GABRQ: variants seen among roughly 807,000 people sequenced by gnomAD.
GABRQ encodes the protein gamma-aminobutyric acid receptor subunit theta.
GABRQ carries 19 observed loss-of-function variants against 30.5 expected under a neutral mutation model. That is an observed-to-expected ratio of 0.62 (90% CI 0.43 to 0.91). The LOEUF (loss-of-function observed/expected upper bound fraction) is 0.91. Ranked by LOEUF, GABRQ falls within the 40% of genes least tolerant of loss-of-function variation. GABRQ has a pLI of 0.00. For missense variants in GABRQ, 520 were observed against 521.4 expected (o/e 1.00, Z 0.03); for synonymous variants, 187 against 210.2 (o/e 0.89, Z 0.95).
downstream of GABRQ, among the ~76,000 whole-genome samples, chrX:152,657,775 C>T (rs1386962667): frequency 8.9e-6 from 1 of 112,485 alleles, no homozygotes; most frequent in Non-Finnish European, 1.9e-5. Flanking sequence ...TCTTAATCTT[C>T]TAAAACAAAA....
rs1556820411 is a variant in GABRQ at position 152,652,526 on chromosome X, A to G, written c.1159-15A>G. On this transcript the variant is annotated splice_polypyrimidine_tract_variant and intron_variant, in intron 8 of 8. Coordinates refer to ENST00000598523, the MANE Select transcript of GABRQ (RefSeq NM_018558.4). ...CGATATGAAACTGATGAGCCTATCC[A>G]TTATCTCCTCAAAGGATGGCCTGAT... 8.4e-7 allele frequency: 1 copy of G among 1,190,998 alleles called. No individual in the cohort carries two copies. Among genetic ancestry groups the G allele is most frequent in the South Asian group, 1.9e-5 (1 of 53,722 alleles).
rs1931028593 is a variant in GABRQ, at chrX:152,651,755, C to T, written c.1131C>T (p.Tyr377=). The T allele has an allele frequency of 1.7e-6, 2 of 1,210,271 alleles. No individual in the cohort carries two copies. Among genetic ancestry groups the T allele is most frequent in the African/African-American group, 3.5e-5 (2 of 57,418 alleles). ...GAAGAGTCATTGCCCGCTACCGCTA[C>T]CAGCAAGTGGTGGTAGGAAACGTGC... is the stretch of plus-strand genomic sequence containing the variant. ...RPRRVIARYR[Y]QQVVVGNVQD... is the part of the protein sequence containing the mutation. The change falls in exon 8 of 9, where the codon TAC becomes TAT. Residue 377 remains tyrosine, a synonymous_variant. Transcript: ENST00000598523.
Position 152,651,800 on chromosome X carries a change from A to G in GABRQ, c.1158+18A>G, listed in dbSNP as rs782106419. The G allele has an allele frequency of 1.4e-5, 17 of 1,203,529 alleles. No individual in the cohort carries two copies. The highest frequency in any genetic ancestry group is 1.9e-5 in the Non-Finnish European group (17 of 889,813). ...ACGTGCAGGTTTGACTTTTTGACTGACAATCAGCTTTCCCTGAGCACCTCT... is the reference window on the plus strand; with the variant it reads ...ACGTGCAGGTTTGACTTTTTGACTGGCAATCAGCTTTCCCTGAGCACCTCT... On this transcript the variant is annotated intron_variant, in intron 8 of 8. Transcript: ENST00000598523.
intron 2 of GABRQ, among the ~76,000 whole-genome samples, chrX:152,641,597 TC>T (rs1556818430): frequency 1.8e-5 from 2 of 111,672 alleles, no homozygotes; most frequent in Non-Finnish European, 3.8e-5. Flanking sequence ...GCTCCCTTGC[TC>T]CCTCCGAAGT....
chrX:152,645,715 G>A, intron 3 of GABRQ, 121 bp downstream of exon 3: 1 of 479,924 alleles, frequency 2.1e-6, no homozygotes, highest in Non-Finnish European at 3.7e-6. Flanking sequence ...AACAAGGTAG[G>A]TTTGGGACAC....
At chrX:152,646,222 A>G (rs918829107) in intron 3 of GABRQ, among the ~76,000 whole-genome samples, 20 of 112,660 alleles carry the variant, frequency 1.8e-4, no homozygotes, top group African/African-American at 6.4e-4. Flanking sequence ...AGTGCAAAAT[A>G]AAACCTGAAT....
intron 1 of GABRQ, among the ~76,000 whole-genome samples, chrX:152,640,027 T>C (rs5924748): frequency 0.18 from 20,416 of 110,397 alleles, 1,502 homozygotes; most frequent in African/African-American, 0.24. Flanking sequence ...GCTGAAGTAA[T>C]GCATTTTTCT....
Position 152,650,489 on chromosome X carries a change from G to T in GABRQ, c.810G>T (p.Val270=), listed in dbSNP as rs782656746. 8.3e-7 allele frequency: 1 copy of T among 1,200,630 alleles called. No homozygotes were observed. Among genetic ancestry groups the T allele is most frequent in the Non-Finnish European group, 1.1e-6 (1 of 885,419 alleles). Residue 270 remains valine, a synonymous_variant, in exon 7 of 9, where the codon GTG becomes GTT. Transcript: ENST00000598523. ...AGAGGGAAGTTAACAGCTACCTTGT[G>T]CAAGTCTACTGGCCTACTGTCCTCA... is the stretch of plus-strand genomic sequence containing the variant. ...QVQREVNSYL[V]QVYWPTVLTT... is the part of the protein sequence containing the mutation.
chrX:152,638,030 C>G lies in GABRQ; in HGVS notation c.-173C>G, dbSNP rs1489634173. Among the ~76,000 whole-genome samples the G allele has an allele frequency of 2.7e-5, 3 of 113,024 alleles. No individual in the cohort carries two copies. Among genetic ancestry groups the G allele is most frequent in the African/African-American group, 9.6e-5 (3 of 31,166 alleles). ...CATCTCCGGTATCCGGGCCGACCCC[C>G]GCACCCCCTACTTCCCTTGCCCTCG... On this transcript the variant is annotated 5_prime_UTR_variant, in exon 1 of 9. Transcript: ENST00000598523.
intron 1 of GABRQ, among the ~76,000 whole-genome samples, chrX:152,640,009 T>C (rs1253640085): frequency 1.8e-5 from 2 of 111,549 alleles, no homozygotes; most frequent in Admixed American, 1.9e-4. Context: ...GATGGGGCTC[T>C]TGAAGGGGCT....
At position 152,650,780 on chromosome X, in the gene GABRQ, G is replaced by GA. The variant is rs1209939597; in HGVS notation, c.901+208dup. On this transcript the variant is annotated intron_variant, in intron 7 of 8. Coordinates refer to ENST00000598523, the MANE Select transcript of GABRQ (RefSeq NM_018558.4). ...AGAGACCGATATTAGAGACAGATGT[G>GA]AAAAAAAATCAAGGTTGGAATCTTG... Among the ~76,000 whole-genome samples, 5 of 110,962 alleles carry GA rather than the reference G, an allele frequency of 4.5e-5. No homozygotes were observed. In the East Asian group the frequency reaches 1.4e-3, roughly 32 times the overall value.
At chrX:152,641,227 G>A (rs1930748416) in intron 2 of GABRQ, among the ~76,000 whole-genome samples, 1 of 111,883 alleles carries the variant, frequency 8.9e-6, no homozygotes, top group South Asian at 3.7e-4. Context: ...AGCTTTAAGT[G>A]ACAGGCAACC....
At chrX:152,649,117 A>G (rs181246869) in intron 4 of GABRQ, 134 bp from the exon 5 acceptor site, 19 of 487,478 alleles carry the variant, frequency 3.9e-5, no homozygotes, top group Middle Eastern at 3.5e-4. Context: ...TCACAAACAA[A>G]TTTCCTCTCT....
At chrX:152,649,390 A>G in intron 5 of GABRQ, 57 bp downstream of exon 5, 4 of 713,686 alleles carry the variant, frequency 5.6e-6, no homozygotes, top group Non-Finnish European at 9.1e-6. Context: ...TGATCAGGGA[A>G]GCAGAGGCTG....
At chrX:152,641,297 T>C (rs1251142418) in intron 2 of GABRQ, among the ~76,000 whole-genome samples, 1 of 112,476 alleles carries the variant, frequency 8.9e-6, no homozygotes, top group Admixed American at 9.3e-5. Context: ...CTAGGAAACC[T>C]AGATCAAGGG....
At position 152,651,632 on chromosome X, in the gene GABRQ, G is replaced by T; in HGVS notation, c.1008G>T (p.Leu336Phe). The change falls in exon 8 of 9, where the codon TTG becomes TTT. Residue 336 changes from leucine (L) to phenylalanine (F), a missense_variant. Transcript: ENST00000598523. ...TTGATATCTATATCCTCGTGTGCTT[G>T]TTCTTTGTGTTCCTGTCCTTGCTGG... ...KAIDIYILVC[L>F]FFVFLSLLEY... is the part of the protein sequence containing the mutation. 8.3e-7 allele frequency: 1 copy of T among 1,210,637 alleles called. No homozygotes were observed. The highest frequency in any genetic ancestry group is 1.1e-6 in the Non-Finnish European group (1 of 894,210).
In GABRQ at chrX:152,652,390, A is replaced by G. The variant is rs782534581; in HGVS notation, c.1159-151A>G. 5 of 514,069 alleles carry G rather than the reference A, an allele frequency of 9.7e-6. No homozygotes were observed. In the South Asian group the frequency reaches 1.3e-4, roughly 14 times the overall value. 42.4% of individuals were successfully genotyped at this position (514,069 alleles called of 1,213,427 possible). On this transcript the variant is annotated intron_variant, in intron 8 of 8. Transcript: ENST00000598523. ...TCCTGTTCCTCACCCCTTGAACACCAGAGACCCCAAGAGGAGCTGGCTCTA... is the reference window on the plus strand; with the variant it reads ...TCCTGTTCCTCACCCCTTGAACACCGGAGACCCCAAGAGGAGCTGGCTCTA...
chrX:152,644,083 G>A (rs935756774), intron 2 of GABRQ, among the ~76,000 whole-genome samples: 6 of 109,722 alleles, frequency 5.5e-5, no homozygotes, highest in Admixed American at 4.8e-4. Context: ...CGTTATATAC[G>A]AGACCACGCT....
chrX:152,652,668 C>T lies in GABRQ; in HGVS notation c.1286C>T (p.Ser429Leu), dbSNP rs1556820447. 11 of 1,211,502 alleles carry T rather than the reference C, an allele frequency of 9.1e-6. No homozygotes were observed. Among genetic ancestry groups the T allele is most frequent in the South Asian group, 7.0e-5 (4 of 56,983 alleles). Residue 429 changes from serine (S) to leucine (L), a missense_variant, in exon 9 of 9, where the codon TCG becomes TTG. Transcript: ENST00000598523. ...STSEQAQLAT[S>L]ESLSPLTSLS... The stretch of plus-strand genomic sequence containing the variant: ...TCCGAGCAGGCCCAGCTGGCCACCT[C>T]GGAAAGCCTCAGCCCACTCACTTCT...
Sources: gnomAD v4.1 joint callset for allele counts (sites outside exome capture counted in the v4.1 genomes callset) on GRCh38, gnomAD v4.1.1 for gene constraint, MANE v1.5 for transcripts, NCBI Gene and HGNC (gene_info 2026-07-23, HGNC 2026-07-21) for gene names.